Variants in MERTK observed in about 807,000 individuals in gnomAD.
The protein encoded by MERTK is MER proto-oncogene, tyrosine kinase.
MERTK carries 69 observed loss-of-function variants against 99.3 expected under a neutral mutation model. The ratio of observed to expected loss-of-function variants is 0.70; its 90% CI spans 0.57 to 0.85. The LOEUF is 0.85. MERTK is among the 40% of genes least tolerant of loss of function. The pLI is 0.00. For synonymous variants in MERTK, 426 were observed against 467.6 expected (o/e 0.91, Z 1.15); for missense variants, 1,125 against 1,249.4 (o/e 0.90, Z 1.50).
chr2:111,928,823 T>G (rs1380600841), intron 1 of MERTK, among the ~76,000 whole-genome samples: 1 of 152,138 alleles, frequency 6.6e-6, no homozygotes, highest in East Asian at 1.9e-4. Flanking sequence ...GTCATCACCT[T>G]CTTCTTATAC....
intron 15 of MERTK, among the ~76,000 whole-genome samples, chr2:112,014,870 C>G (rs1677186180): frequency 1.3e-5 from 2 of 152,002 alleles, no homozygotes; most frequent in African/African-American, 4.8e-5. Context: ...AACTTCTGAC[C>G]TTAAATGATC....
intron 4 of MERTK, among the ~76,000 whole-genome samples, chr2:111,957,572 T>C (rs1306604127): frequency 2.0e-5 from 3 of 152,184 alleles, no homozygotes; most frequent in African/African-American, 7.2e-5. Context: ...ATATCATACA[T>C]CTTACTTATC....
At chr2:112,028,286 G>A in intron 18 of MERTK, 65 bp from the exon 19 acceptor site, 1 of 1,493,180 alleles carries the variant, frequency 6.7e-7, no homozygotes, top group South Asian at 1.1e-5. Context: ...TAAAAACAAA[G>A]GCATGGATTG....
chr2:111,969,907 G>A (rs1676058013), intron 6 of MERTK, among the ~76,000 whole-genome samples: 1 of 151,986 alleles, frequency 6.6e-6, no homozygotes, highest in South Asian at 2.1e-4. Flanking sequence ...TAGCCAGGAT[G>A]GTCTCCATCT....
chr2:112,023,885 A>G (rs1677410287), intron 18 of MERTK, among the ~76,000 whole-genome samples: 1 of 150,208 alleles, frequency 6.7e-6, no homozygotes, highest in Non-Finnish European at 1.5e-5. Flanking sequence ...CACCCTCCCT[A>G]CACACACACA....
At chr2:111,917,382 G>A (rs1573568676) in intron 1 of MERTK, among the ~76,000 whole-genome samples, 1 of 152,148 alleles carries the variant, frequency 6.6e-6, no homozygotes, top group Non-Finnish European at 1.5e-5. Flanking sequence ...GGACGGGGCC[G>A]TGATGTGTTT....
At chr2:111,944,521 T>A (rs1684924847) in intron 2 of MERTK, among the ~76,000 whole-genome samples, 3 of 152,418 alleles carry the variant, frequency 2.0e-5, no homozygotes, top group Admixed American at 6.5e-5. Flanking sequence ...AATTCCTCTG[T>A]TTTAAGGAAT....
intron 11 of MERTK, 80 bp downstream of exon 11, chr2:112,001,366 CA>C: frequency 2.6e-6 from 3 of 1,140,740 alleles, no homozygotes; most frequent in Non-Finnish European, 4.0e-6. Flanking sequence ...AGATTTCTAA[CA>C]AAAGCCAAAG....
At chr2:111,939,883 A>G (rs1684830634) in intron 2 of MERTK, among the ~76,000 whole-genome samples, 1 of 151,952 alleles carries the variant, frequency 6.6e-6, no homozygotes, top group Non-Finnish European at 1.5e-5. Flanking sequence ...TCTTCTCTAA[A>G]GGAATGTATG....
chr2:111,968,425 G>T (rs1476278987), intron 6 of MERTK, among the ~76,000 whole-genome samples, 173 bp downstream of exon 6: 1 of 152,156 alleles, frequency 6.6e-6, no homozygotes, highest in Non-Finnish European at 1.5e-5. Context: ...TCCATGCTCT[G>T]CCCATGATAC....
intron 5 of MERTK, among the ~76,000 whole-genome samples, chr2:111,966,854 G>A (rs770356419): frequency 3.3e-5 from 5 of 152,102 alleles, no homozygotes; most frequent in Non-Finnish European, 5.9e-5. Context: ...GGCCCCCAGG[G>A]CACGCTTGAT....
chr2:112,017,827 G>A (rs1677249345), intron 15 of MERTK, among the ~76,000 whole-genome samples: 1 of 152,136 alleles, frequency 6.6e-6, no homozygotes, highest in East Asian at 1.9e-4. Context: ...AGGAGGAGGG[G>A]TGATAAAACA....
chr2:112,022,893 G>T (rs962952379), intron 18 of MERTK, among the ~76,000 whole-genome samples: 1 of 152,162 alleles, frequency 6.6e-6, no homozygotes, highest in African/African-American at 2.4e-5. Context: ...AGAATCGCTT[G>T]GGAGATAGTG....
In MERTK at chr2:111,934,484, C is replaced by T. The variant is rs1016995158; in HGVS notation, c.482+4944C>T. On this transcript the variant is annotated intron_variant, in intron 2 of 18. Transcript: ENST00000295408. ...TTCTCCAATGACCAATAATGATGAGCTTTTTTTCATGTTTGTTGGCCGCAT... is the reference window on the plus strand; with the variant it reads ...TTCTCCAATGACCAATAATGATGAGTTTTTTTTCATGTTTGTTGGCCGCAT... 4.6e-5 allele frequency among the ~76,000 whole-genome samples: 7 copies of T among 152,140 alleles called. No individual in the cohort carries two copies. The South Asian group carries it at 8.3e-4, about 18-fold the overall frequency.
intron 1 of MERTK, among the ~76,000 whole-genome samples, chr2:111,909,003 C>T (rs905823576): frequency 6.6e-6 from 1 of 152,126 alleles, no homozygotes; most frequent in Non-Finnish European, 1.5e-5. Context: ...AAATGGCTAA[C>T]AGATAAATAT....
At chr2:112,010,974 C>G (rs1264815856) in intron 15 of MERTK, among the ~76,000 whole-genome samples, 1 of 152,098 alleles carries the variant, frequency 6.6e-6, no homozygotes, top group East Asian at 1.9e-4. Flanking sequence ...GGGCAAAAGG[C>G]AAAAGTCACT....
chr2:112,015,352 G>A (rs1324712061), intron 15 of MERTK, among the ~76,000 whole-genome samples: 2 of 152,068 alleles, frequency 1.3e-5, no homozygotes, highest in African/African-American at 2.4e-5. Context: ...TGGCTTTTCT[G>A]GTTTTTCCTT....
At chr2:112,010,275 T>C in intron 15 of MERTK, 3 of 517,098 alleles carry the variant, frequency 5.8e-6, no homozygotes, top group Non-Finnish European at 1.1e-5. Context: ...TTATGGTGGG[T>C]AAGTGGCTGC....
At chr2:111,935,432 TGGGGGA>T in intron 2 of MERTK, among the ~76,000 whole-genome samples, 1 of 152,268 alleles carries the variant, frequency 6.6e-6, no homozygotes, top group South Asian at 2.1e-4. Flanking sequence ...GCACCAGGAC[TGGGGGA>T]GGTACACTTC....
Sources: gnomAD v4.1 joint callset for allele counts (sites outside exome capture counted in the v4.1 genomes callset) on GRCh38, gnomAD v4.1.1 for gene constraint, MANE v1.5 for transcripts, NCBI Gene and HGNC (gene_info 2026-07-23, HGNC 2026-07-21) for gene names.